The following INTS6L variants were observed in gnomAD, a reference collection of about 807,000 sequenced individuals.
INTS6L encodes integrator complex subunit 6-like.
Under a neutral mutation model 64.7 loss-of-function variants are expected in INTS6L, and 18 were observed. That is an observed-to-expected ratio of 0.28 (90% CI 0.19 to 0.41). The LOEUF is 0.41. Among genes scored for constraint, INTS6L ranks in the 10% least tolerant of loss-of-function variants. INTS6L has a pLI of 1.00. For missense variants in INTS6L, 533 were observed against 661.0 expected (o/e 0.81, Z 2.12); for synonymous variants, 227 against 235.9 (o/e 0.96, Z 0.34).
intron 9 of INTS6L, among the ~76,000 whole-genome samples, chrX:135,560,479 G>A (rs1423892060): frequency 2.7e-5 from 3 of 111,881 alleles, no homozygotes; most frequent in Non-Finnish European, 3.8e-5. Context: ...ATGTTCCATC[G>A]GTGCTTGACA....
rs148434267 is a variant in INTS6L at position 135,549,644 on chromosome X, G to A, written c.745G>A (p.Gly249Arg). 3.3e-6 allele frequency: 4 copies of A among 1,201,296 alleles called. No homozygotes were observed. In the African/African-American group the frequency reaches 7.0e-5, roughly 21 times the overall value. ...GPDPLPIGED[G>R]LMDSSRPSNS... The stretch of plus-strand genomic sequence containing the variant: ...TTTGTCTTTTGTTTAACTTTTAGAT[G>A]GACTTATGGATTCATCCAGGCCAAG... The change falls in exon 7 of 18, where the codon GGA (glycine) becomes AGA (arginine). Residue 249 changes from glycine (G) to arginine (R), a missense_variant and splice_region_variant. Coordinates refer to ENST00000639893, the MANE Select transcript of INTS6L (RefSeq NM_001351601.3).
chrX:135,550,127 G>T (rs5974537), intron 7 of INTS6L, among the ~76,000 whole-genome samples: 7,164 of 111,924 alleles, frequency 0.064, 332 homozygotes, highest in African/African-American at 0.15. Context: ...CTTGATTTAC[G>T]TGGCAAACAC....
intron 9 of INTS6L, among the ~76,000 whole-genome samples, chrX:135,556,790 A>G (rs1399356914): frequency 1.8e-5 from 2 of 111,888 alleles, no homozygotes; most frequent in African/African-American, 6.5e-5. Flanking sequence ...AAAAGGAACA[A>G]CTCAAGAAGC....
intron 9 of INTS6L, among the ~76,000 whole-genome samples, chrX:135,560,333 T>C (rs978135948): frequency 8.9e-6 from 1 of 112,161 alleles, no homozygotes; most frequent in Non-Finnish European, 1.9e-5. Flanking sequence ...ATTTTCAACA[T>C]AGACAATTAT....
chrX:135,522,435 A>G (rs1379198362), intron 2 of INTS6L, among the ~76,000 whole-genome samples: 5 of 112,463 alleles, frequency 4.4e-5, no homozygotes, highest in African/African-American at 1.6e-4. Context: ...GGAGATAAAG[A>G]ACTGCTGCTT....
chrX:135,552,059 C>CA lies in INTS6L; in HGVS notation c.975dup (p.Leu326ThrfsTer4). On this transcript the variant is annotated frameshift_variant, in exon 8 of 18. Coordinates refer to ENST00000639893, the MANE Select transcript of INTS6L (RefSeq NM_001351601.3). LOFTEE classifies it high-confidence loss of function. ...TAGATTGTGAGCCAATGGTAATAGA[C>CA]AAACTTCCTTTTGACAAATATGAAC... 1 of 1,201,074 alleles carries CA rather than the reference C, an allele frequency of 8.3e-7. No homozygotes were observed. The highest frequency in any genetic ancestry group is 1.1e-6 in the Non-Finnish European group (1 of 890,765).
At chrX:135,540,554 T>C (rs2086180437) in intron 2 of INTS6L, among the ~76,000 whole-genome samples, 1 of 111,361 alleles carries the variant, frequency 9.0e-6, no homozygotes, top group Non-Finnish European at 1.9e-5. Flanking sequence ...TCTTTAGGCC[T>C]CTTGTAATCA....
At chrX:135,575,805 T>TGG (rs2087209762) in intron 14 of INTS6L, among the ~76,000 whole-genome samples, 1 of 109,401 alleles carries the variant, frequency 9.1e-6, no homozygotes, top group African/African-American at 3.3e-5. Context: ...TGTGTGTGTG[T>TGG]GTGTATGTGT....
At chrX:135,564,938 C>T (rs781806423) in intron 9 of INTS6L, among the ~76,000 whole-genome samples, 1 of 111,211 alleles carries the variant, frequency 9.0e-6, no homozygotes, top group African/African-American at 3.3e-5. Context: ...CGCCACTTGG[C>T]CTTCATTGAC....
intron 15 of INTS6L, among the ~76,000 whole-genome samples, chrX:135,578,244 A>G (rs1424604168): frequency 9.0e-6 from 1 of 111,644 alleles, no homozygotes; most frequent in East Asian, 2.8e-4. Context: ...TCAATTTCAG[A>G]CTCAGACTTA....
chrX:135,544,976 C>T (rs1556514367), intron 2 of INTS6L, among the ~76,000 whole-genome samples: 1 of 111,982 alleles, frequency 8.9e-6, no homozygotes, highest in African/African-American at 3.2e-5. Context: ...AATATTGCTT[C>T]GGTGGAAGAA....
In INTS6L at chrX:135,526,536, G is replaced by T. The variant is rs181177721; in HGVS notation, c.189+5218G>T. ...ACATTGGTTGGCCAGACATACCTCAGTTCTTTATTCTATGTTTTCAAAAGT... is the reference window on the plus strand; with the variant it reads ...ACATTGGTTGGCCAGACATACCTCATTTCTTTATTCTATGTTTTCAAAAGT... On this transcript the variant is annotated intron_variant, in intron 2 of 17. Transcript: ENST00000639893. Among the ~76,000 whole-genome samples the T allele has an allele frequency of 1.2e-4, 13 of 111,917 alleles. No homozygotes were observed. In the East Asian group the frequency reaches 3.7e-3, roughly 32 times the overall value.
At position 135,552,956 on chromosome X, in the gene INTS6L, C is replaced by T. The variant is rs181213550; in HGVS notation, c.1059+810C>T. On this transcript the variant is annotated intron_variant, in intron 8 of 17. Coordinates refer to ENST00000639893, the MANE Select transcript of INTS6L (RefSeq NM_001351601.3). ...GCAAGGAACACTTTCAGACTGCCAT[C>T]TGTTTTATCTTAAAATGTGAGATTA... Among the ~76,000 whole-genome samples the T allele has an allele frequency of 4.1e-3, 461 of 112,359 alleles. 2 individuals are homozygous for T. Among genetic ancestry groups the T allele is most frequent in the South Asian group, 0.012 (34 of 2,729 alleles).
At chrX:135,538,410 C>G (rs1424823021) in intron 2 of INTS6L, among the ~76,000 whole-genome samples, 1 of 112,281 alleles carries the variant, frequency 8.9e-6, no homozygotes, top group Non-Finnish European at 1.9e-5. Context: ...CAGTCACATC[C>G]TTAGCTTCAC....
At chrX:135,545,834 G>A (rs1293614548) in intron 3 of INTS6L, among the ~76,000 whole-genome samples, 2 of 111,742 alleles carry the variant, frequency 1.8e-5, no homozygotes, top group Non-Finnish European at 3.8e-5. Flanking sequence ...GAGAAATATC[G>A]GAACAAGACA....
In INTS6L at chrX:135,551,985, T is replaced by G. The variant is rs971433236; in HGVS notation, c.907-9T>G. ...ATTTTTTCTGCTTTTTTTAAAAAAT[T>G]TTTTTTAGCCTCCACGAACATCTCA... On this transcript the variant is annotated splice_polypyrimidine_tract_variant and intron_variant, in intron 7 of 17. Transcript: ENST00000639893. 3 of 1,119,950 alleles carry G rather than the reference T, an allele frequency of 2.7e-6. No homozygotes were observed. The highest frequency in any genetic ancestry group is 3.5e-6 in the Non-Finnish European group (3 of 852,340). 92.3% of individuals were successfully genotyped at this position (1,119,950 alleles called of 1,213,427 possible).
Position 135,522,013 on chromosome X carries a change from C to T in INTS6L, c.189+695C>T, listed in dbSNP as rs1330836712. Among the ~76,000 whole-genome samples the T allele has an allele frequency of 2.7e-5, 3 of 111,311 alleles. No homozygotes were observed. The Admixed American group carries it at 2.8e-4, about 11-fold the overall frequency. Reference sequence around the variant, plus strand: ...ACCGCCTTTGCACTCGTTGGCCTCTCACCACCCCCGCGCAATCGGAAATCT... The same window carrying T: ...ACCGCCTTTGCACTCGTTGGCCTCTTACCACCCCCGCGCAATCGGAAATCT... On this transcript the variant is annotated intron_variant, in intron 2 of 17. Transcript: ENST00000639893.
chrX:135,571,685 T>G (rs1322039446), intron 11 of INTS6L: 1 of 112,149 alleles, frequency 8.9e-6, no homozygotes, highest in African/African-American at 3.2e-5. Context: ...ATGTTTTGGT[T>G]TGGTTATTTA....
At chrX:135,555,136 G>A (rs1005050238) in intron 8 of INTS6L, among the ~76,000 whole-genome samples, 85 of 110,589 alleles carry the variant, frequency 7.7e-4, no homozygotes, top group Non-Finnish European at 1.4e-3. Flanking sequence ...TGATCCGCCC[G>A]CCTCGGCCTC....
Sources: gnomAD v4.1 joint callset for allele counts (sites outside exome capture counted in the v4.1 genomes callset) on GRCh38, gnomAD v4.1.1 for gene constraint, MANE v1.5 for transcripts, NCBI Gene and HGNC (gene_info 2026-07-23, HGNC 2026-07-21) for gene names.